Variants in OXR1 observed in about 807,000 individuals in gnomAD.
OXR1 encodes oxidation resistance 1.
In OXR1, 41 loss-of-function variants were observed where a neutral mutation model predicts 104.6. The observed-to-expected ratio is 0.39, with a 90% CI of 0.31 to 0.51. The LOEUF (loss-of-function observed/expected upper bound fraction) is 0.51, where lower values mean the gene tolerates loss of function less well. Ranked by LOEUF, OXR1 falls within the 20% of genes least tolerant of loss-of-function variation. The pLI is 0.77. For synonymous variants in OXR1, 348 were observed against 348.4 expected (o/e 1.00, Z 0.01); for missense variants, 955 against 1,031.9 (o/e 0.93, Z 1.02).
chr8:106,694,238 C>A (rs1829596940), intron 7 of OXR1, among the ~76,000 whole-genome samples: 1 of 151,208 alleles, frequency 6.6e-6, no homozygotes, highest in Non-Finnish European at 1.5e-5. Flanking sequence ...TGGAATATTC[C>A]ACAAGTGTCA....
At chr8:106,436,522 CA>C (rs11423598) in intron 2 of OXR1, among the ~76,000 whole-genome samples, 11,104 of 122,402 alleles carry the variant, frequency 0.091, 480 homozygotes, top group Middle Eastern at 0.15. Flanking sequence ...TGTGCCTATG[CA>C]AAAAAAAAAA....
intron 3 of OXR1, chr8:106,580,860 T>C: frequency 2.8e-6 from 1 of 354,646 alleles, no homozygotes; most frequent in Non-Finnish European, 4.0e-6. Context: ...TATATTTAAA[T>C]ATTATCCAGC....
intron 3 of OXR1, among the ~76,000 whole-genome samples, chr8:106,540,782 G>A (rs1413496402): frequency 6.6e-6 from 1 of 152,212 alleles, no homozygotes; most frequent in East Asian, 1.9e-4. Flanking sequence ...CAGGCAAAAA[G>A]AGAGAGCTCG....
At chr8:106,593,358 G>A (rs1271360222) in intron 3 of OXR1, among the ~76,000 whole-genome samples, 2 of 152,186 alleles carry the variant, frequency 1.3e-5, no homozygotes, top group Non-Finnish European at 2.9e-5. Flanking sequence ...AATTTGTATA[G>A]AGATATCATA....
intron 3 of OXR1, among the ~76,000 whole-genome samples, chr8:106,548,819 C>G (rs1236568585): frequency 1.3e-5 from 2 of 152,066 alleles, no homozygotes; most frequent in African/African-American, 4.8e-5. Context: ...TTTTAGAGTT[C>G]TCAAAATATT....
At chr8:106,590,423 G>A (rs539969771) in intron 3 of OXR1, among the ~76,000 whole-genome samples, 1 of 152,256 alleles carries the variant, frequency 6.6e-6, no homozygotes, top group Admixed American at 6.5e-5. Flanking sequence ...AAGTACCTGG[G>A]ACTACAGGCA....
At chr8:106,669,258 G>C (rs1398872012) in intron 3 of OXR1, among the ~76,000 whole-genome samples, 1 of 152,102 alleles carries the variant, frequency 6.6e-6, no homozygotes, top group Non-Finnish European at 1.5e-5. Context: ...TTTTAGGGTG[G>C]GGATTGTGAA....
intron 3 of OXR1, among the ~76,000 whole-genome samples, chr8:106,563,961 C>G (rs565210435): frequency 7.6e-4 from 116 of 152,148 alleles, no homozygotes; most frequent in African/African-American, 2.7e-3. Context: ...ACACAATGTA[C>G]CAGAATCTGT....
Position 106,300,450 on chromosome 8 carries a change from A to G in OXR1, c.-139+30083A>G, listed in dbSNP as rs777002176. On this transcript the variant is annotated intron_variant, in intron 1 of 16. Transcript: ENST00000517566. ...GTGGCCTAAAAGATGACCCTCCTCT[A>G]ACTTTCTCATGTTGATTTCTATATT... Among the ~76,000 whole-genome samples, 11 of 152,048 alleles carry G rather than the reference A, an allele frequency of 7.2e-5. No homozygotes were observed. In the South Asian group the frequency reaches 2.3e-3, roughly 32 times the overall value.
chr8:106,747,303 T>C (rs1835471070), intron 16 of OXR1, among the ~76,000 whole-genome samples: 2 of 152,226 alleles, frequency 1.3e-5, no homozygotes, highest in African/African-American at 4.8e-5. Context: ...TTCACAAGGA[T>C]ATAATTTTTG....
intron 2 of OXR1, among the ~76,000 whole-genome samples, chr8:106,509,661 A>G (rs1397861282): frequency 1.3e-5 from 2 of 152,214 alleles, no homozygotes; most frequent in African/African-American, 4.8e-5. Context: ...CAGAGTGTTT[A>G]TTTAGAAATT....
intron 2 of OXR1, among the ~76,000 whole-genome samples, chr8:106,394,874 A>G (rs181146858): frequency 3.9e-5 from 6 of 152,242 alleles, no homozygotes; most frequent in East Asian, 1.9e-4. Flanking sequence ...AGAACTGTGC[A>G]TCGTGAGTGT....
At chr8:106,466,670 G>A (rs182018305) in intron 2 of OXR1, among the ~76,000 whole-genome samples, 1 of 151,928 alleles carries the variant, frequency 6.6e-6, no homozygotes, top group Non-Finnish European at 1.5e-5. Flanking sequence ...AAAGGCTCAA[G>A]GCCTGCCACT....
rs546786757 is a variant in OXR1 at position 106,610,442 on chromosome 8, T to C, written c.221-68768T>C. ...TGCTCTGCTTAAAAGCTGAAGTATC[T>C]CTCTGTTACCCTCAGATCAAAATCC... On this transcript the variant is annotated intron_variant, in intron 3 of 16. Coordinates refer to ENST00000517566, the MANE Select transcript of OXR1 (RefSeq NM_001198533.2). Among the ~76,000 whole-genome samples, 3 of 152,336 alleles carry C rather than the reference T, an allele frequency of 2.0e-5. No homozygotes were observed. The South Asian group carries it at 6.2e-4, about 32-fold the overall frequency.
Position 106,593,755 on chromosome 8 carries a change from G to A in OXR1, c.220+74616G>A, listed in dbSNP as rs903773779. Among the ~76,000 whole-genome samples, 12 of 152,268 alleles carry A rather than the reference G, an allele frequency of 7.9e-5. No homozygotes were observed. The East Asian group carries it at 1.5e-3, about 20-fold the overall frequency. ...CGCGCCACGGCACTCCAGCCTGGGC[G>A]ACAGAGCGAGACTCCATCTCTAATA... On this transcript the variant is annotated intron_variant, in intron 3 of 16. Coordinates refer to ENST00000517566, the MANE Select transcript of OXR1 (RefSeq NM_001198533.2).
intron 3 of OXR1, among the ~76,000 whole-genome samples, chr8:106,668,602 T>C (rs1444332652): frequency 2.6e-5 from 4 of 152,166 alleles, no homozygotes; most frequent in Non-Finnish European, 5.9e-5. Context: ...GGAAGACATA[T>C]ATGGTTCATT....
intron 7 of OXR1, among the ~76,000 whole-genome samples, chr8:106,696,193 T>TAAA (rs1306886222): frequency 6.6e-6 from 1 of 152,196 alleles, no homozygotes; most frequent in Non-Finnish European, 1.5e-5. Flanking sequence ...TGCCTTTTTT[T>TAAA]AGAGTGTCAT....
intron 2 of OXR1, among the ~76,000 whole-genome samples, chr8:106,411,207 T>C (rs1818444655): frequency 6.6e-6 from 1 of 152,146 alleles, no homozygotes. Context: ...AACTTGCATG[T>C]GGGCAAACTC....
At chr8:106,635,042 A>G (rs1289084415) in intron 3 of OXR1, among the ~76,000 whole-genome samples, 2 of 152,204 alleles carry the variant, frequency 1.3e-5, no homozygotes, top group African/African-American at 4.8e-5. Flanking sequence ...ATCAGTTATA[A>G]TATGTAGACC....
Sources: gnomAD v4.1 joint callset for allele counts (sites outside exome capture counted in the v4.1 genomes callset) on GRCh38, gnomAD v4.1.1 for gene constraint, MANE v1.5 for transcripts, NCBI Gene and HGNC (gene_info 2026-07-23, HGNC 2026-07-21) for gene names.